DPP6: variants seen among roughly 807,000 people sequenced by gnomAD.
The protein encoded by DPP6 is dipeptidyl peptidase like 6.
Under a neutral mutation model 122.6 loss-of-function variants are expected in DPP6, and 69 were observed. The observed-to-expected ratio is 0.56, with a 90% CI of 0.46 to 0.69. The LOEUF (loss-of-function observed/expected upper bound fraction) is 0.69. DPP6 is among the 30% of genes least tolerant of loss of function. The probability of loss-of-function intolerance (pLI) is 0.00; values close to 1 mark genes in which losing one functional copy is unlikely to be tolerated. For missense variants in DPP6, 928 were observed against 1,116.9 expected (o/e 0.83, Z 2.41); for synonymous variants, 418 against 433.1 (o/e 0.97, Z 0.43).
At chr7:154,164,132 C>T (rs1164362959) in intron 1 of DPP6, among the ~76,000 whole-genome samples, 1 of 152,034 alleles carries the variant, frequency 6.6e-6, no homozygotes, top group Non-Finnish European at 1.5e-5. Context: ...GTGTATTTTC[C>T]TTCTCAGAAT....
At chr7:154,874,341 C>T (rs956515759) in intron 19 of DPP6, among the ~76,000 whole-genome samples, 4 of 152,178 alleles carry the variant, frequency 2.6e-5, no homozygotes, top group Non-Finnish European at 5.9e-5. Flanking sequence ...TGGTCGTGCC[C>T]GGTGGAGACA....
chr7:154,239,422 C>G (rs1296847003), intron 1 of DPP6, among the ~76,000 whole-genome samples: 2 of 152,168 alleles, frequency 1.3e-5, no homozygotes, highest in East Asian at 3.9e-4. Flanking sequence ...TCCTCCTCAT[C>G]CTACTCAACA....
intron 1 of DPP6, among the ~76,000 whole-genome samples, chr7:154,332,394 C>T (rs745734615): frequency 6.6e-6 from 1 of 152,200 alleles, no homozygotes; most frequent in Admixed American, 6.5e-5. Context: ...CTTTAATGTG[C>T]ATGGAAATTA....
intron 1 of DPP6, among the ~76,000 whole-genome samples, chr7:154,351,391 G>T (rs1355041681): frequency 6.6e-6 from 1 of 152,166 alleles, no homozygotes; most frequent in East Asian, 1.9e-4. Flanking sequence ...GAAACAGTGG[G>T]GAGGCCTTGG....
At chr7:154,299,960 A>T (rs1016621103) in intron 1 of DPP6, among the ~76,000 whole-genome samples, 1 of 152,210 alleles carries the variant, frequency 6.6e-6, no homozygotes, top group Admixed American at 6.5e-5. Flanking sequence ...CCCTACTCAG[A>T]CACATCTGGA....
At chr7:154,613,741 C>A (rs1237384070) in intron 5 of DPP6, among the ~76,000 whole-genome samples, 1 of 150,968 alleles carries the variant, frequency 6.6e-6, no homozygotes, top group Non-Finnish European at 1.5e-5. Flanking sequence ...CTACATTACT[C>A]CCTCATTGTT....
rs149653158 is a variant in DPP6, at chr7:154,416,132, C to T, written c.244-30082C>T. 1.6e-4 allele frequency among the ~76,000 whole-genome samples: 25 copies of T among 152,176 alleles called. No homozygotes were observed. The East Asian group carries it at 4.7e-3, about 28-fold the overall frequency. On this transcript the variant is annotated intron_variant, in intron 1 of 25. Coordinates refer to ENST00000377770, the MANE Select transcript of DPP6 (RefSeq NM_130797.4). ...TGAGTAGCATTATGAAATCTCACAC[C>T]GTCCTGCTCCATCCTGCTCCGTCCT...
chr7:154,219,842 C>T (rs1800204005), intron 1 of DPP6, among the ~76,000 whole-genome samples: 2 of 152,170 alleles, frequency 1.3e-5, no homozygotes, highest in South Asian at 2.1e-4. Flanking sequence ...CTGCCTCGGC[C>T]TCCCAAAGTG....
intron 1 of DPP6, among the ~76,000 whole-genome samples, chr7:154,370,584 T>A (rs944719481): frequency 1.3e-5 from 2 of 152,232 alleles, no homozygotes; most frequent in Admixed American, 1.3e-4. Context: ...TGTATAACCT[T>A]TATCTTTTTT....
chr7:154,166,031 A>C (rs1263036845), intron 1 of DPP6, among the ~76,000 whole-genome samples: 1 of 152,140 alleles, frequency 6.6e-6, no homozygotes, highest in Non-Finnish European at 1.5e-5. Context: ...TTTGTTATTA[A>C]AATTTCTTCT....
chr7:153,755,706 A>T, the DPP6 span, among the ~76,000 whole-genome samples: 1 of 151,800 alleles, frequency 6.6e-6, no homozygotes, highest in Non-Finnish European at 1.5e-5. Context: ...CCTCCTCTTC[A>T]TGGCTTAAAG....
chr7:153,806,719 G>A, the DPP6 span, among the ~76,000 whole-genome samples: 1 of 151,862 alleles, frequency 6.6e-6, no homozygotes, highest in Admixed American at 6.5e-5. Flanking sequence ...TCTCCTTTCT[G>A]TCATTTTGAA....
intron 5 of DPP6, among the ~76,000 whole-genome samples, chr7:154,586,925 T>C (rs1832493238): frequency 6.6e-6 from 1 of 152,244 alleles, no homozygotes. Context: ...TGCTCCTTAC[T>C]TCTCTTTGCA....
At chr7:154,202,359 C>A (rs1799218501) in intron 1 of DPP6, among the ~76,000 whole-genome samples, 1 of 152,318 alleles carries the variant, frequency 6.6e-6, no homozygotes, top group African/African-American at 2.4e-5. Flanking sequence ...AACAGACAAC[C>A]ATGGCCAGCT....
In DPP6 at chr7:154,892,953, G is replaced by C. The variant is rs554149195; in HGVS notation, c.*473G>C. 9.1e-4 allele frequency: 473 copies of C among 520,102 alleles called. 4 individuals are homozygous for C. The highest frequency in any genetic ancestry group is 6.3e-3 in the South Asian group (448 of 71,600). The allele number at this position is 520,102 out of a possible 1,614,324, so 32.2% of individuals were successfully genotyped here. The stretch of plus-strand genomic sequence containing the variant: ...TACAGCACCATTGTTTTAGCAGTGC[G>C]TGTTCATATATGGGCTTGCTACTTC... On this transcript the variant is annotated 3_prime_UTR_variant, in exon 26 of 26. Coordinates refer to ENST00000377770, the MANE Select transcript of DPP6 (RefSeq NM_130797.4).
chr7:154,043,267 C>T, intron 1 of DPP6, among the ~76,000 whole-genome samples: 1 of 151,626 alleles, frequency 6.6e-6, no homozygotes. Flanking sequence ...GTGGCGCATG[C>T]CTGTAATTCT....
At chr7:154,047,470 G>A (rs1172959398), upstream of DPP6, among the ~76,000 whole-genome samples, 3 of 149,310 alleles carry the variant, frequency 2.0e-5, no homozygotes, top group Non-Finnish European at 2.9e-5. Context: ...GAACTAAGAC[G>A]TTTTGGAGAA....
rs1237062546 is a variant in DPP6 at position 153,999,883 on chromosome 7, C to T, written c.51+112149C>T. ...GTGAGGTGGTAGGATTGCTTGAGCCCGGGGAGGGGGAGGTTACAGTGAGCC... is the reference window on the plus strand; with the variant it reads ...GTGAGGTGGTAGGATTGCTTGAGCCTGGGGAGGGGGAGGTTACAGTGAGCC... On this transcript the variant is annotated intron_variant, in intron 1 of 25. Transcript: ENST00000404039. Among the ~76,000 whole-genome samples the T allele has an allele frequency of 5.9e-5, 9 of 151,648 alleles. No individual in the cohort carries two copies. In the East Asian group the frequency reaches 7.8e-4, roughly 13 times the overall value.
intron 10 of DPP6, among the ~76,000 whole-genome samples, chr7:154,778,967 C>T (rs111058652): frequency 0.57 from 81,861 of 142,470 alleles, 24,648 homozygotes; most frequent in Non-Finnish European, 0.64. Flanking sequence ...CCATCACCTC[C>T]GCTACCACCA....
Sources: gnomAD v4.1 joint callset for allele counts (sites outside exome capture counted in the v4.1 genomes callset) on GRCh38, gnomAD v4.1.1 for gene constraint, MANE v1.5 for transcripts, NCBI Gene and HGNC (gene_info 2026-07-23, HGNC 2026-07-21) for gene names.